The following PTPRK variants were observed in gnomAD, a reference collection of about 807,000 sequenced individuals.
The protein encoded by PTPRK is protein tyrosine phosphatase receptor type K, also known as receptor-type tyrosine-protein phosphatase kappa.
In PTPRK, 75 loss-of-function variants were observed where a neutral mutation model predicts 178.0. The ratio of observed to expected loss-of-function variants is 0.42; its 90% CI spans 0.35 to 0.51. The LOEUF is 0.51. Ranked by LOEUF, PTPRK falls within the 20% of genes least tolerant of loss-of-function variation. The pLI is 0.02. For synonymous variants in PTPRK, 637 were observed against 620.6 expected (o/e 1.03, Z -0.39); for missense variants, 1,441 against 1,797.8 (o/e 0.80, Z 3.59).
chr6:128,172,768 C>T (rs564610576), intron 7 of PTPRK, among the ~76,000 whole-genome samples: 19 of 151,578 alleles, frequency 1.3e-4, no homozygotes, highest in African/African-American at 4.1e-4. Flanking sequence ...GTAACATGTA[C>T]ATATGTGTGT....
chr6:128,115,362 G>A (rs1219799195), intron 7 of PTPRK, among the ~76,000 whole-genome samples: 3 of 151,992 alleles, frequency 2.0e-5, no homozygotes. Flanking sequence ...TATAAAATTG[G>A]AAGTGCTCAC....
intron 3 of PTPRK, among the ~76,000 whole-genome samples, chr6:128,279,742 C>G (rs1367573571): frequency 6.6e-6 from 1 of 152,110 alleles, no homozygotes; most frequent in African/African-American, 2.4e-5. Flanking sequence ...ACAAAAGTAG[C>G]CATACAATTT....
At chr6:128,184,049 T>C (rs1168700617) in intron 7 of PTPRK, among the ~76,000 whole-genome samples, 1 of 152,192 alleles carries the variant, frequency 6.6e-6, no homozygotes, top group African/African-American at 2.4e-5. Context: ...GTAACAAAAT[T>C]ACTGAGGGAG....
intron 1 of PTPRK, among the ~76,000 whole-genome samples, chr6:128,453,458 G>A (rs1434410993): frequency 6.6e-6 from 1 of 152,132 alleles, no homozygotes; most frequent in Non-Finnish European, 1.5e-5. Flanking sequence ...ATAAGCTAAC[G>A]ATTGTAAAGG....
intron 1 of PTPRK, among the ~76,000 whole-genome samples, chr6:128,414,432 C>T (rs773062452): frequency 3.3e-5 from 5 of 151,998 alleles, no homozygotes; most frequent in Non-Finnish European, 5.9e-5. Flanking sequence ...CTCTGTCAGC[C>T]GATTTGATTT....
chr6:128,015,388 C>T (rs2114739411), intron 13 of PTPRK, among the ~76,000 whole-genome samples: 1 of 151,768 alleles, frequency 6.6e-6, no homozygotes, highest in East Asian at 1.9e-4. Flanking sequence ...CACTGTCTTA[C>T]TTCTTAAACA....
intron 1 of PTPRK, among the ~76,000 whole-genome samples, chr6:128,439,069 A>G (rs1845968338): frequency 6.6e-6 from 1 of 152,234 alleles, no homozygotes; most frequent in Admixed American, 6.5e-5. Context: ...GAGTGATCAA[A>G]GAATTGTTTT....
At chr6:128,159,871 G>A (rs533258618) in intron 7 of PTPRK, among the ~76,000 whole-genome samples, 2 of 151,776 alleles carry the variant, frequency 1.3e-5, no homozygotes, top group Non-Finnish European at 3.0e-5. Flanking sequence ...CAGATTTATG[G>A]TAAGATGGCA....
At position 128,105,234 on chromosome 6, in the gene PTPRK, C is replaced by T. The variant is rs188463481; in HGVS notation, c.1163-15242G>A. Among the ~76,000 whole-genome samples, 60 of 151,858 alleles carry T rather than the reference C, an allele frequency of 4.0e-4. 1 individual carries two copies. The East Asian group carries it at 0.01, about 26-fold the overall frequency. The stretch of plus-strand genomic sequence containing the variant: ...CCGCAAGCTCCGCCTCCCGGGTTCG[C>T]GCCATTCTGCTGCCTCAGCCTCCGG... On this transcript the variant is annotated intron_variant, in intron 7 of 29. Transcript: ENST00000368226.
chr6:128,132,746 T>C (rs1794448952), intron 7 of PTPRK, among the ~76,000 whole-genome samples: 2 of 152,360 alleles, frequency 1.3e-5, no homozygotes, highest in Non-Finnish European at 2.9e-5. Context: ...ACAACCTGTG[T>C]TCTACATATG....
At chr6:127,997,404 C>A (rs1348973849) in intron 16 of PTPRK, among the ~76,000 whole-genome samples, 1 of 152,166 alleles carries the variant, frequency 6.6e-6, no homozygotes, top group South Asian at 2.1e-4. Context: ...ACCTGCTTCC[C>A]TCCATAATTA....
chr6:128,008,839 A>G (rs7747571), intron 14 of PTPRK, among the ~76,000 whole-genome samples: 3,778 of 151,236 alleles, frequency 0.025, 175 homozygotes, highest in African/African-American at 0.086. Flanking sequence ...CACTTCAAAT[A>G]TAAGATAAAT....
chr6:128,472,239 T>A (rs1336615726), intron 1 of PTPRK, among the ~76,000 whole-genome samples: 2 of 152,152 alleles, frequency 1.3e-5, no homozygotes, highest in African/African-American at 4.8e-5. Flanking sequence ...TGTGTTTTAT[T>A]TGAATAGTGC....
chr6:128,284,535 A>G (rs1443091180), intron 3 of PTPRK, among the ~76,000 whole-genome samples: 1 of 152,228 alleles, frequency 6.6e-6, no homozygotes. Flanking sequence ...AAAGTGTCCA[A>G]TGCAAGAATG....
At chr6:128,361,354 T>C (rs1006197967) in intron 2 of PTPRK, among the ~76,000 whole-genome samples, 4 of 152,330 alleles carry the variant, frequency 2.6e-5, no homozygotes, top group East Asian at 3.9e-4. Context: ...ATTCAGTTAC[T>C]TTTTGTTATT....
chr6:128,007,018 G>C (rs1049730584), intron 14 of PTPRK, among the ~76,000 whole-genome samples: 1 of 150,594 alleles, frequency 6.6e-6, no homozygotes, highest in Non-Finnish European at 1.5e-5. Flanking sequence ...TAGATAAGAG[G>C]CTAAAGTAAT....
intron 21 of PTPRK, among the ~76,000 whole-genome samples, chr6:127,987,235 A>T (rs1353048607): frequency 6.8e-6 from 1 of 147,102 alleles, no homozygotes; most frequent in Non-Finnish European, 1.5e-5. Flanking sequence ...ATATGTGGTT[A>T]AAAAAACAAC....
At chr6:128,195,792 C>T (rs114206498) in intron 6 of PTPRK, among the ~76,000 whole-genome samples, 1,618 of 152,154 alleles carry the variant, frequency 0.011, 28 homozygotes, top group African/African-American at 0.037. Context: ...ATTTAAAGAT[C>T]TTCATAGCAA....
chr6:128,088,196 G>A (rs1486912811), intron 8 of PTPRK, among the ~76,000 whole-genome samples: 1 of 151,998 alleles, frequency 6.6e-6, no homozygotes, highest in African/African-American at 2.4e-5. Context: ...TGGCTAAGAT[G>A]GGGAAACCCC....
Sources: allele counts gnomAD v4.1 joint callset (sites outside exome capture counted in the v4.1 genomes callset), GRCh38; gene constraint gnomAD v4.1.1; transcripts MANE v1.5; gene names NCBI Gene and HGNC (gene_info 2026-07-23, HGNC 2026-07-21).